The following DPP10 variants were observed in gnomAD, a reference collection of about 807,000 sequenced individuals.
DPP10 encodes the protein dipeptidyl peptidase like 10.
Under a neutral mutation model 120.9 loss-of-function variants are expected in DPP10, and 33 were observed. The observed-to-expected ratio is 0.27, with a 90% confidence interval of 0.21 to 0.37. The LOEUF is 0.37. DPP10 is among the 10% of genes least tolerant of loss of function. The probability of loss-of-function intolerance (pLI) is 1.00; values close to 1 mark genes in which losing one functional copy is unlikely to be tolerated. For synonymous variants in DPP10, 337 were observed against 326.1 expected, an observed-to-expected ratio of 1.03 and a Z score of -0.36; for missense variants, 816 against 942.8, an observed-to-expected ratio of 0.87 and a Z score of 1.76.
intron 1 of DPP10, among the ~76,000 whole-genome samples, chr2:114,608,756 G>T (rs993210233): frequency 1.6e-4 from 24 of 151,960 alleles, no homozygotes; most frequent in African/African-American, 5.6e-4. Context: ...AATGCAGTTG[G>T]CGGGCATTAT....
chr2:114,632,503 GTTTTTT>G (rs756591992), intron 1 of DPP10, among the ~76,000 whole-genome samples: 1 of 88,622 alleles, frequency 1.1e-5, no homozygotes, highest in Non-Finnish European at 2.2e-5. Context: ...TGGACTTAGG[GTTTTTT>G]TTTTTTTTTT....
At chr2:115,562,298 G>A (rs1323810345) in intron 5 of DPP10, among the ~76,000 whole-genome samples, 1 of 152,066 alleles carries the variant, frequency 6.6e-6, no homozygotes, top group Non-Finnish European at 1.5e-5. Context: ...CTCTATTCTA[G>A]TCACCTTCCA....
chr2:115,751,448 G>C (rs1678695105), intron 10 of DPP10, among the ~76,000 whole-genome samples: 1 of 152,008 alleles, frequency 6.6e-6, no homozygotes, highest in African/African-American at 2.4e-5. Context: ...ACTCTACTTC[G>C]GGCACTTTAT....
chr2:114,680,448 G>T (rs1281639682), intron 1 of DPP10, among the ~76,000 whole-genome samples: 1 of 151,884 alleles, frequency 6.6e-6, no homozygotes, highest in African/African-American at 2.4e-5. Flanking sequence ...GTTTCACATT[G>T]TTCCTTCTGT....
intron 1 of DPP10, among the ~76,000 whole-genome samples, chr2:114,656,922 T>G (rs1223183548): frequency 1.3e-5 from 2 of 152,040 alleles, no homozygotes; most frequent in African/African-American, 4.8e-5. Flanking sequence ...AAAGGAAAAC[T>G]AAAAATAAAA....
At chr2:115,592,968 T>G (rs536445293) in intron 5 of DPP10, among the ~76,000 whole-genome samples, 1 of 152,270 alleles carries the variant, frequency 6.6e-6, no homozygotes, top group East Asian at 1.9e-4. Context: ...TTTTGGTACC[T>G]ACTTTGAAAC....
chr2:115,277,390 T>G lies in DPP10; in HGVS notation c.61-31849T>G, dbSNP rs560691356. Among the ~76,000 whole-genome samples the G allele has an allele frequency of 6.6e-5, 10 of 150,864 alleles. No homozygotes were observed. In the East Asian group the frequency reaches 1.2e-3, roughly 18 times the overall value. On this transcript the variant is annotated intron_variant, in intron 1 of 25. Transcript: ENST00000410059. Reference sequence around the variant, plus strand: ...TACACTATCTTTTAGCACAAGGTACTTTTGGAGATTACTCTAGGGATCTTA... The same window carrying G: ...TACACTATCTTTTAGCACAAGGTACGTTTGGAGATTACTCTAGGGATCTTA...
intron 3 of DPP10, among the ~76,000 whole-genome samples, chr2:115,387,574 A>G (rs2067033896): frequency 6.6e-6 from 1 of 152,204 alleles, no homozygotes; most frequent in African/African-American, 2.4e-5. Context: ...CCCAGTCTAA[A>G]GAAAGTAAAG....
chr2:114,722,924 T>A (rs948128620), intron 1 of DPP10, among the ~76,000 whole-genome samples: 1 of 151,698 alleles, frequency 6.6e-6, no homozygotes, highest in Admixed American at 6.6e-5. Context: ...GAAAACTGGG[T>A]AAGAAAAAAA....
chr2:115,710,019 C>G, intron 7 of DPP10, among the ~76,000 whole-genome samples: 1 of 152,136 alleles, frequency 6.6e-6, no homozygotes. Context: ...TAAAGAGAAA[C>G]TGTGGAAGTG....
At chr2:115,672,666 T>TCTC (rs1559010238) in intron 5 of DPP10, among the ~76,000 whole-genome samples, 3 of 130,042 alleles carry the variant, frequency 2.3e-5, no homozygotes, top group Admixed American at 7.5e-5. Flanking sequence ...CTTTCTTTCT[T>TCTC]TCTCTCTTTC....
At chr2:115,671,299 ATATTT>A (rs2089854822) in intron 5 of DPP10, among the ~76,000 whole-genome samples, 3 of 151,896 alleles carry the variant, frequency 2.0e-5, no homozygotes, top group Admixed American at 1.3e-4. Flanking sequence ...AACCAAGATG[ATATTT>A]TAATTTAATT....
intron 1 of DPP10, among the ~76,000 whole-genome samples, chr2:114,945,685 G>A (rs532660046): frequency 3.3e-5 from 5 of 151,978 alleles, no homozygotes; most frequent in African/African-American, 4.8e-5. Context: ...GCATGGCGGC[G>A]GACACCTGTA....
chr2:115,718,514 A>AT (rs1389234204), intron 7 of DPP10, among the ~76,000 whole-genome samples: 1 of 151,756 alleles, frequency 6.6e-6, no homozygotes, highest in South Asian at 2.1e-4. Flanking sequence ...TTTTTTCTGT[A>AT]TTTTTTTCTT....
At chr2:114,476,846 GA>G (rs1680417555) in intron 1 of DPP10, among the ~76,000 whole-genome samples, 1 of 152,138 alleles carries the variant, frequency 6.6e-6, no homozygotes. Flanking sequence ...AACAGAACAT[GA>G]AAAGCACCCC....
intron 5 of DPP10, among the ~76,000 whole-genome samples, chr2:115,647,551 TAACA>T (rs929436546): frequency 1.3e-5 from 2 of 152,060 alleles, no homozygotes; most frequent in Non-Finnish European, 2.9e-5. Flanking sequence ...AAAAAAAAAT[TAACA>T]AACAAAGGAC....
intron 1 of DPP10, among the ~76,000 whole-genome samples, chr2:115,272,784 C>T (rs1435811407): frequency 3.3e-5 from 5 of 152,234 alleles, no homozygotes; most frequent in African/African-American, 9.6e-5. Context: ...CACATTGGTG[C>T]TCTTTTTCTG....
At chr2:115,750,280 T>G in intron 10 of DPP10, 2 of 858,754 alleles carry the variant, frequency 2.3e-6, no homozygotes. Flanking sequence ...CACAGGGAGA[T>G]GTACACCTAG....
chr2:115,511,728 CTTCTTT>C (rs1412900475), intron 4 of DPP10, among the ~76,000 whole-genome samples: 1 of 71,194 alleles, frequency 1.4e-5, no homozygotes, highest in Non-Finnish European at 2.5e-5. Flanking sequence ...TCTTCTTCTT[CTTCTTT>C]TTTTTTTTTT....
Sources: gnomAD v4.1 joint callset for allele counts (sites outside exome capture counted in the v4.1 genomes callset) on GRCh38, gnomAD v4.1.1 for gene constraint, MANE v1.5 for transcripts, NCBI Gene and HGNC (gene_info 2026-07-23, HGNC 2026-07-21) for gene names.